Variants in TSC2 observed in about 807,000 individuals in gnomAD.
TSC2 encodes TSC complex subunit 2.
A neutral mutation model predicts 202.2 loss-of-function variants in TSC2; 29 were observed. The observed-to-expected ratio is 0.14, with a 90% CI of 0.11 to 0.20. TSC2 has a LOEUF of 0.20. Ranked by LOEUF, TSC2 falls within the 10% of genes least tolerant of loss-of-function variation. The pLI, the probability that TSC2 is intolerant of heterozygous loss-of-function variation, is 1.00. For missense variants in TSC2, 2,429 were observed against 2,420.0 expected, an observed-to-expected ratio of 1.00 and a Z score of -0.08; for synonymous variants, 1,349 against 1,044.0, an observed-to-expected ratio of 1.29 and a Z score of -5.63.
intron 8 of TSC2, 114 bp downstream of exon 8, chr16:2,056,883 G>C: frequency 1.3e-6 from 2 of 1,528,392 alleles, no homozygotes; most frequent in Non-Finnish European, 1.8e-6. Flanking sequence ...ACAATGGCCT[G>C]TTGAGGGACG....
rs45452994 is a variant in TSC2, at chr16:2,083,724, C to G, written c.3913C>G (p.Pro1305Ala). Reference sequence around the variant, plus strand: ...CGCCGTGGTCATGGAGGAGGGAAGTCCGGGCGAGGTTCCTGTGCTGGTGGA... The same window carrying G: ...CGCCGTGGTCATGGAGGAGGGAAGTGCGGGCGAGGTTCCTGTGCTGGTGGA... ...DSAVVMEEGS[P>A]GEVPVLVEPP... Residue 1305 changes from proline to alanine, a missense_variant, in exon 33 of 42, where the codon CCG (proline) becomes GCG (alanine). By Grantham distance (27) the Pro-to-Ala change is conservative. Coordinates refer to ENST00000219476, the MANE Select transcript of TSC2 (RefSeq NM_000548.5). 2 of 1,596,962 alleles carry G rather than the reference C, an allele frequency of 1.3e-6. No individual in the cohort carries two copies. Among genetic ancestry groups the G allele is most frequent in the South Asian group, 2.3e-5 (2 of 88,028 alleles).
intron 38 of TSC2, chr16:2,087,076 G>C (rs2090906569): frequency 2.7e-6 from 2 of 739,792 alleles, no homozygotes; most frequent in South Asian, 1.8e-5. Flanking sequence ...CTGCTGCTGA[G>C]TGTCTGTCAG....
intron 24 of TSC2, 114 bp downstream of exon 24, chr16:2,076,284 T>C (rs1174698940): frequency 6.4e-7 from 1 of 1,568,470 alleles, no homozygotes; most frequent in South Asian, 1.2e-5. Context: ...GGGAGGGTGT[T>C]TGGGGCTGTG....
chr16:2,086,384 GGCCT>G lies in TSC2; in HGVS notation c.4849+7_4849+10del, dbSNP rs1596439740. 1.2e-6 allele frequency: 2 copies of G among 1,611,720 alleles called. No homozygotes were observed. Among genetic ancestry groups the G allele is most frequent in the Non-Finnish European group, 1.7e-6 (2 of 1,179,540 alleles). ...GGCACGATGACATCATGCAAGGTACGGCCTGGCGCCTACCCGCTCCTGCTGCCCC... is the reference window on the plus strand; with the variant it reads ...GGCACGATGACATCATGCAAGGTACGGGCGCCTACCCGCTCCTGCTGCCCC... On this transcript the variant is annotated splice_donor_region_variant and intron_variant, in intron 37 of 41. Coordinates refer to ENST00000219476, the MANE Select transcript of TSC2 (RefSeq NM_000548.5).
In TSC2 at chr16:2,074,605, C is replaced by T. The variant is rs80093708; in HGVS notation, c.2545+216C>T. ...CTCACCCCTCTAGTGTCCATGTGAA[C>T]GCTCCTCCTTGAAGAAGCCTCTTCC... On this transcript the variant is annotated intron_variant, in intron 22 of 41. Transcript: ENST00000219476. 6.5e-4 allele frequency: 402 copies of T among 622,560 alleles called. 2 individuals are homozygous for T. In the African/African-American group the frequency reaches 6.8e-3, roughly 11 times the overall value. 38.6% of individuals were successfully genotyped at this position (622,560 alleles called of 1,614,324 possible).
chr16:2,084,145 G>C lies in TSC2; in HGVS notation c.4006-83G>C, dbSNP rs888018326. ...GTGGCCCTGGGATGGAGGACAGATA[G>C]GGCCTCACCACCTCCAGGTCAACCC... On this transcript the variant is annotated intron_variant, in intron 33 of 41. Transcript: ENST00000219476. 3 of 1,547,888 alleles carry C rather than the reference G, an allele frequency of 1.9e-6. No homozygotes were observed. The Admixed American group carries it at 5.9e-5, about 30-fold the overall frequency.
rs45517361 is a variant in TSC2, at chr16:2,086,207, C to T, written c.4677C>T (p.Leu1559=). The change falls in exon 37 of 42, where the codon CTC becomes CTT. Residue 1559 remains leucine, a synonymous_variant. Transcript: ENST00000219476. ...TCTCCCCACAGAGCAACAGCGAGCT[C>T]GCCATCCTGTCCAATGAGCATGGCT... ...YVGEGQSNSE[L]AILSNEHGSY... 2.0e-5 allele frequency: 32 copies of T among 1,612,502 alleles called. No individual in the cohort carries two copies. The highest frequency in any genetic ancestry group is 4.4e-5 in the South Asian group (4 of 91,090).
chr16:2,075,669 A>G, intron 22 of TSC2, 130 bp from the exon 23 acceptor site: 3 of 955,076 alleles, frequency 3.1e-6, no homozygotes, highest in Non-Finnish European at 4.8e-6. Flanking sequence ...CGGGAAAGCC[A>G]CGTCCGTGTG....
At chr16:2,057,293 C>A in intron 9 of TSC2, 115 bp downstream of exon 9, 1 of 1,288,136 alleles carries the variant, frequency 7.8e-7, no homozygotes, top group Non-Finnish European at 1.1e-6. Flanking sequence ...TCTCGGGCAG[C>A]TGTTCCAGAG....
At chr16:2,085,079 A>G in intron 35 of TSC2, 53 bp downstream of exon 35, 2 of 1,609,112 alleles carry the variant, frequency 1.2e-6, no homozygotes, top group Non-Finnish European at 1.7e-6. Flanking sequence ...GCTCGGGTGA[A>G]TGGTGGGGGG....
intron 12 of TSC2, 121 bp downstream of exon 12, chr16:2,062,129 G>C: frequency 2.8e-6 from 4 of 1,434,944 alleles, no homozygotes; most frequent in Non-Finnish European, 3.8e-6. Context: ...CTGCTTTCCA[G>C]GTTTCTGCAC....
At chr16:2,064,605 T>A in intron 15 of TSC2, 178 bp downstream of exon 15, 1 of 931,574 alleles carries the variant, frequency 1.1e-6, no homozygotes, top group South Asian at 1.5e-5. Flanking sequence ...ACTGCTGGAT[T>A]TGTGTCCTGA....
Position 2,053,407 on chromosome 16 carries a change from C to G in TSC2, c.291C>G (p.Ala97=), listed in dbSNP as rs137933794. ...TGCAGCCGGAGCGGCCGCTGGAGGC[C>G]CGGCACGCGGTGCTGGCTCTGCTGA... ...DLLQPERPLE[A]RHAVLALLKA... Residue 97 remains alanine (A), a synonymous_variant, in exon 4 of 42, where the codon GCC becomes GCG. Transcript: ENST00000219476. 292 of 1,589,180 alleles carry G rather than the reference C, an allele frequency of 1.8e-4. 1 individual carries two copies. In the East Asian group the frequency reaches 5.9e-3, roughly 32 times the overall value.
chr16:2,051,406 A>T (rs949882247), intron 3 of TSC2, among the ~76,000 whole-genome samples: 2 of 152,084 alleles, frequency 1.3e-5, no homozygotes, highest in Non-Finnish European at 2.9e-5. Context: ...GGCCAAGAAA[A>T]ATCAAGAAAG....
chr16:2,074,423 G>C, intron 22 of TSC2, 34 bp downstream of exon 22: 1 of 1,604,296 alleles, frequency 6.2e-7, no homozygotes, highest in Non-Finnish European at 8.5e-7. Context: ...ATGCACCCGA[G>C]AGGTTCGGGC....
At position 2,060,175 on chromosome 16, in the gene TSC2, G is replaced by A. The variant is rs185359687; in HGVS notation, c.976-495G>A. On this transcript the variant is annotated intron_variant, in intron 10 of 41. Coordinates refer to ENST00000219476, the MANE Select transcript of TSC2 (RefSeq NM_000548.5). ...TTCCGCAGTGCCCCGTGATGACAGC[G>A]CTTTTTGTGTCCGTCCTCGTTCTGT... Among the ~76,000 whole-genome samples, 520 of 152,320 alleles carry A rather than the reference G, an allele frequency of 3.4e-3. 3 individuals are homozygous for A. Among genetic ancestry groups the A allele is most frequent in the African/African-American group, 0.012 (502 of 41,572 alleles).
rs2151282851 is a variant in TSC2 at position 2,070,593 on chromosome 16, G to A, written c.1839+15G>A. The A allele has an allele frequency of 1.2e-6, 2 of 1,612,850 alleles. No homozygotes were observed. The highest frequency in any genetic ancestry group is 1.7e-6 in the Non-Finnish European group (2 of 1,179,960). ...TCCGGCTGCAGGTATGGTGGCTGGG[G>A]TTGCGCAGCCAGTTCCTGGGGGCCC... On this transcript the variant is annotated intron_variant, in intron 17 of 41. Coordinates refer to ENST00000219476, the MANE Select transcript of TSC2 (RefSeq NM_000548.5).
Position 2,053,411 on chromosome 16 carries a change from C to G in TSC2, c.295C>G (p.His99Asp), listed in dbSNP as rs1175950073. Residue 99 changes from histidine (H) to aspartate (D), a missense_variant, in exon 4 of 42, where the codon CAC becomes GAC. Physicochemically the swap from His to Asp is moderately conservative, Grantham distance 81. Coordinates refer to ENST00000219476, the MANE Select transcript of TSC2 (RefSeq NM_000548.5). ...GCCGGAGCGGCCGCTGGAGGCCCGG[C>G]ACGCGGTGCTGGCTCTGCTGAAGGC... ...LQPERPLEAR[H>D]AVLALLKAIV... The G allele has an allele frequency of 6.3e-7, 1 of 1,587,380 alleles. No homozygotes were observed. Among genetic ancestry groups the G allele is most frequent in the South Asian group, 1.2e-5 (1 of 86,950 alleles).
chr16:2,051,642 TTG>T (rs1255493544), intron 3 of TSC2, among the ~76,000 whole-genome samples: 4 of 152,142 alleles, frequency 2.6e-5, no homozygotes, highest in Non-Finnish European at 5.9e-5. Context: ...TGCCCAGCAT[TTG>T]TGTGTGGGAG....
Sources: gnomAD v4.1 joint callset for allele counts (sites outside exome capture counted in the v4.1 genomes callset) on GRCh38, gnomAD v4.1.1 for gene constraint, MANE v1.5 for transcripts, NCBI Gene and HGNC (gene_info 2026-07-23, HGNC 2026-07-21) for gene names.